The following ABR variants were observed in gnomAD, a reference collection of about 807,000 sequenced individuals.
ABR encodes ABR activator of RhoGEF and GTPase.
A neutral mutation model predicts 107.2 loss-of-function variants in ABR; 35 were observed. The ratio of observed to expected loss-of-function variants is 0.33; its 90% CI spans 0.25 to 0.43. The LOEUF is 0.43. Among genes scored for constraint, ABR ranks in the 20% least tolerant of loss-of-function variants. ABR has a pLI of 1.00. For missense variants in ABR, 815 were observed against 1,115.2 expected (o/e 0.73, Z 3.83); for synonymous variants, 498 against 462.0 (o/e 1.08, Z -1.00).
At chr17:1,201,545 C>A (rs1004682716) in intron 1 of ABR, among the ~76,000 whole-genome samples, 1 of 152,070 alleles carries the variant, frequency 6.6e-6, no homozygotes, top group African/African-American at 2.4e-5. Context: ...GTGAAACAGG[C>A]CCCCCGATGC....
At chr17:1,185,280 C>T (rs2042250423) in intron 1 of ABR, among the ~76,000 whole-genome samples, 1 of 152,164 alleles carries the variant, frequency 6.6e-6, no homozygotes, top group Non-Finnish European at 1.5e-5. Flanking sequence ...CAGTCCCGGC[C>T]AAACCCCACT....
intron 2 of ABR, among the ~76,000 whole-genome samples, chr17:1,117,938 C>T (rs1469599065): frequency 7.2e-5 from 7 of 97,766 alleles, no homozygotes; most frequent in East Asian, 5.3e-4. Flanking sequence ...TTCCTCCCAG[C>T]GTTATCCCTG....
Position 1,162,370 on chromosome 17 carries a change from C to T in ABR, c.61+17297G>A, listed in dbSNP as rs374282198. 8.1e-4 allele frequency among the ~76,000 whole-genome samples: 123 copies of T among 152,330 alleles called. 1 individual carries two copies. The highest frequency in any genetic ancestry group is 1.6e-3 in the Admixed American group (24 of 15,300). On this transcript the variant is annotated intron_variant, in intron 1 of 22. Coordinates refer to ENST00000302538, the MANE Select transcript of ABR (RefSeq NM_021962.5). ...ACCTAGACACAGCCTGGTTTCCTGG[C>T]GTGGGCCCCTCCGGATCCCCTCTCC...
intron 1 of ABR, among the ~76,000 whole-genome samples, chr17:1,221,714 C>T (rs1036847761): frequency 1.3e-5 from 2 of 152,070 alleles, no homozygotes; most frequent in African/African-American, 4.8e-5. Context: ...CGGGAAAAGA[C>T]GCCGGATGGA....
rs1416437289 is a variant in ABR, at chr17:1,196,086, G to A, written c.838+32707C>T. ...GAAGGTTGCAGTGAGCCGAGATCACGACACTGCACTCCAGCCTGAGCAACA... is the reference window on the plus strand; with the variant it reads ...GAAGGTTGCAGTGAGCCGAGATCACAACACTGCACTCCAGCCTGAGCAACA... On this transcript the variant is annotated intron_variant, in intron 1 of 22. Transcript: ENST00000574139. Among the ~76,000 whole-genome samples the A allele has an allele frequency of 1.6e-4, 23 of 145,314 alleles. 1 individual carries two copies. The highest frequency in any genetic ancestry group is 4.5e-4 in the African/African-American group (17 of 37,788).
intron 1 of ABR, among the ~76,000 whole-genome samples, chr17:1,193,592 C>T (rs1332529037): frequency 4.4e-5 from 5 of 114,188 alleles, no homozygotes; most frequent in Admixed American, 4.0e-4. Context: ...AGATGCCGCC[C>T]GACATTCACT....
At chr17:1,013,010 G>A in intron 17 of ABR, 95 bp downstream of exon 17, 2 of 1,464,972 alleles carry the variant, frequency 1.4e-6, no homozygotes, top group Admixed American at 3.4e-5. Flanking sequence ...CGGCACAGCG[G>A]CCCCAGGAGC....
At chr17:1,127,028 A>G (rs2039632464) in intron 1 of ABR, among the ~76,000 whole-genome samples, 1 of 152,154 alleles carries the variant, frequency 6.6e-6, no homozygotes, top group Non-Finnish European at 1.5e-5. Context: ...AATGGTGTCA[A>G]CAGGTCACCG....
At chr17:1,108,810 G>T in intron 2 of ABR, 1 of 1,212,110 alleles carries the variant, frequency 8.3e-7, no homozygotes, top group Non-Finnish European at 1.1e-6. Context: ...GCCGGGGCCG[G>T]GACCCTCCGC....
intron 2 of ABR, among the ~76,000 whole-genome samples, chr17:1,108,412 C>A (rs1355337276): frequency 6.6e-6 from 1 of 152,268 alleles, no homozygotes; most frequent in Non-Finnish European, 1.5e-5. Flanking sequence ...TGTCCCGCCT[C>A]GGGAAGGGCA....
At chr17:1,081,459 G>A (rs1020005597) in intron 5 of ABR, among the ~76,000 whole-genome samples, 16 of 152,170 alleles carry the variant, frequency 1.1e-4, no homozygotes, top group African/African-American at 3.6e-4. Context: ...TCTGCTCCAT[G>A]GGTCTGGGAG....
At chr17:1,082,967 T>C (rs2036345390) in intron 5 of ABR, among the ~76,000 whole-genome samples, 1 of 151,778 alleles carries the variant, frequency 6.6e-6, no homozygotes, top group Admixed American at 6.6e-5. Flanking sequence ...CTACTAAAAA[T>C]ACAAACCTTA....
At position 1,157,680 on chromosome 17, in the gene ABR, G is replaced by C. The variant is rs576242898; in HGVS notation, c.61+21987C>G. Among the ~76,000 whole-genome samples the C allele has an allele frequency of 3.3e-5, 5 of 152,232 alleles. No individual in the cohort carries two copies. Among genetic ancestry groups the C allele is most frequent in the Non-Finnish European group, 7.3e-5 (5 of 68,038 alleles). On this transcript the variant is annotated intron_variant, in intron 1 of 22. Transcript: ENST00000302538. The surrounding 1 kb of genome is among the most constrained non-coding windows in gnomAD (Gnocchi z 4.7). ...GGAACAGGGGGAAGCCAACAATCCC[G>C]GCAGATGAAGGAAAGGAACCGGCAG...
intron 16 of ABR, among the ~76,000 whole-genome samples, chr17:1,016,197 T>G (rs2071140321): frequency 6.6e-6 from 1 of 152,170 alleles, no homozygotes; most frequent in African/African-American, 2.4e-5. Context: ...GATCTCTCAG[T>G]TGAAAATTGA....
chr17:1,068,874 C>T (rs2076931019), intron 9 of ABR, among the ~76,000 whole-genome samples: 1 of 152,178 alleles, frequency 6.6e-6, no homozygotes, highest in South Asian at 2.1e-4. Context: ...ACAGTCGCTA[C>T]TTTGTGGAGG....
Position 1,200,252 on chromosome 17 carries a change from A to C in ABR, c.838+28541T>G, listed in dbSNP as rs1264230773. Among the ~76,000 whole-genome samples, 1 of 152,198 alleles carries C rather than the reference A, an allele frequency of 6.6e-6. No homozygotes were observed. The highest frequency in any genetic ancestry group is 1.5e-5 in the Non-Finnish European group (1 of 68,046). The stretch of plus-strand genomic sequence containing the variant: ...TAAAAATAACCTAGAGATAAGTTAA[A>C]GTACACGGGGGTCGGGGGCAGGCAT... On this transcript the variant is annotated intron_variant, in intron 1 of 22. Coordinates refer to the ABR transcript ENST00000574139. The surrounding 1 kb of genome is among the most constrained non-coding windows in gnomAD (Gnocchi z 4.1).
upstream of ABR, among the ~76,000 whole-genome samples, chr17:1,191,055 C>A (rs1406773947): frequency 6.6e-6 from 1 of 152,160 alleles, no homozygotes; most frequent in East Asian, 1.9e-4. Flanking sequence ...ACCACGCCGG[C>A]CCGAGGGCGC....
intron 14 of ABR, chr17:1,055,390 G>A (rs2033148513): frequency 6.6e-6 from 1 of 152,388 alleles, no homozygotes. Context: ...AAGCGTGACT[G>A]CCTTTTAGTG....
upstream of ABR, among the ~76,000 whole-genome samples, chr17:1,191,481 C>T (rs954229632): frequency 2.6e-5 from 4 of 151,292 alleles, no homozygotes; most frequent in East Asian, 7.8e-4. Context: ...TCTCAGCCTC[C>T]CGAGTAGCTG....
Sources: allele counts gnomAD v4.1 joint callset (sites outside exome capture counted in the v4.1 genomes callset), GRCh38; gene constraint gnomAD v4.1.1; non-coding constraint Gnocchi (gnomAD v3.1); transcripts MANE v1.5; gene names NCBI Gene and HGNC (gene_info 2026-07-23, HGNC 2026-07-21).